SYNPR: variants seen among roughly 807,000 people sequenced by gnomAD.
SYNPR encodes synaptoporin.
A neutral mutation model predicts 32.9 loss-of-function variants in SYNPR; 23 were observed. The observed-to-expected ratio is 0.70, with a 90% CI of 0.50 to 0.99. The LOEUF (loss-of-function observed/expected upper bound fraction) is 0.99. Ranked by LOEUF, SYNPR falls within the 50% of genes least tolerant of loss-of-function variation. The pLI, the probability that SYNPR is intolerant of heterozygous loss-of-function variation, is 0.00. For missense variants in SYNPR, 318 were observed against 349.3 expected, an observed-to-expected ratio of 0.91 and a Z score of 0.71; for synonymous variants, 146 against 135.9, an observed-to-expected ratio of 1.07 and a Z score of -0.52.
intron 2 of SYNPR, among the ~76,000 whole-genome samples, chr3:63,310,741 C>A (rs538368254): frequency 4.7e-4 from 72 of 152,010 alleles, no homozygotes; most frequent in Admixed American, 9.8e-4. Flanking sequence ...CTGGCTGAGA[C>A]CTGGATATGA....
intron 3 of SYNPR, among the ~76,000 whole-genome samples, chr3:63,511,010 T>C (rs1413064385): frequency 2.6e-5 from 4 of 151,518 alleles, no homozygotes; most frequent in Non-Finnish European, 4.4e-5. Flanking sequence ...GGGATGCTTG[T>C]TGAAATGCAA....
At chr3:63,282,517 A>G (rs2086639585) in intron 2 of SYNPR, among the ~76,000 whole-genome samples, 1 of 152,096 alleles carries the variant, frequency 6.6e-6, no homozygotes, top group Non-Finnish European at 1.5e-5. Context: ...GATTGTAAAA[A>G]AGGAAAAGAA....
At chr3:63,596,733 C>T (rs1559547070) in intron 4 of SYNPR, among the ~76,000 whole-genome samples, 2 of 152,138 alleles carry the variant, frequency 1.3e-5, no homozygotes, top group Admixed American at 1.3e-4. Flanking sequence ...GATGGCTTAG[C>T]TTTGGACCAT....
At chr3:63,417,399 T>C (rs955990291) in intron 2 of SYNPR, among the ~76,000 whole-genome samples, 1 of 152,198 alleles carries the variant, frequency 6.6e-6, no homozygotes, top group African/African-American at 2.4e-5. Flanking sequence ...CATGGGCTGG[T>C]GATGAGTGTC....
intron 2 of SYNPR, among the ~76,000 whole-genome samples, chr3:63,367,382 T>G (rs909313239): frequency 2.8e-5 from 4 of 141,386 alleles, no homozygotes; most frequent in African/African-American, 1.1e-4. Context: ...TAATTTTAGA[T>G]AAGATCTGGC....
At chr3:63,242,043 T>G (rs1366735111) in intron 1 of SYNPR, among the ~76,000 whole-genome samples, 9 of 152,106 alleles carry the variant, frequency 5.9e-5, no homozygotes, top group Non-Finnish European at 1.3e-4. Flanking sequence ...GCATACTTTT[T>G]CTTTCAACAT....
At chr3:63,223,951 T>C (rs1368453188), upstream of SYNPR, among the ~76,000 whole-genome samples, 1 of 152,216 alleles carries the variant, frequency 6.6e-6, no homozygotes, top group African/African-American at 2.4e-5. Context: ...CCATGTATCT[T>C]CTTGTTGCAT....
the SYNPR span, among the ~76,000 whole-genome samples, chr3:63,205,577 C>T: frequency 6.6e-6 from 1 of 152,232 alleles, no homozygotes; most frequent in Non-Finnish European, 1.5e-5. Flanking sequence ...ATGAAATCAT[C>T]GTCACACTGC....
chr3:63,395,050 G>A (rs1996919), intron 2 of SYNPR, among the ~76,000 whole-genome samples: 27 of 151,976 alleles, frequency 1.8e-4, no homozygotes, highest in African/African-American at 5.8e-4. Context: ...GATATTAATA[G>A]GTTTAAAAGC....
intron 5 of SYNPR, among the ~76,000 whole-genome samples, chr3:63,611,205 C>A (rs1575736792): frequency 6.6e-6 from 1 of 152,176 alleles, no homozygotes; most frequent in Admixed American, 6.5e-5. Flanking sequence ...CCTGAAGAAA[C>A]AGGTTCTAGA....
chr3:63,321,360 A>G (rs1200640876), intron 2 of SYNPR, among the ~76,000 whole-genome samples: 1 of 152,028 alleles, frequency 6.6e-6, no homozygotes, highest in African/African-American at 2.4e-5. Flanking sequence ...AGTATGTTTT[A>G]TTCTCTCTCT....
chr3:63,346,229 T>C (rs1407364856), intron 2 of SYNPR, among the ~76,000 whole-genome samples: 3 of 152,182 alleles, frequency 2.0e-5, no homozygotes, highest in Non-Finnish European at 4.4e-5. Flanking sequence ...TGCAGAACTT[T>C]TCAGTCTTCC....
intron 2 of SYNPR, among the ~76,000 whole-genome samples, chr3:63,325,848 C>T (rs746408040): frequency 1.3e-5 from 2 of 152,058 alleles, no homozygotes; most frequent in African/African-American, 2.4e-5. Flanking sequence ...AACTAGCTTT[C>T]ACTTCCTGCT....
chr3:63,510,620 C>T (rs1334154682), intron 3 of SYNPR, among the ~76,000 whole-genome samples: 7 of 152,060 alleles, frequency 4.6e-5, no homozygotes, highest in African/African-American at 9.7e-5. Context: ...CTTACTTTCC[C>T]GGAGATTTGA....
intron 4 of SYNPR, among the ~76,000 whole-genome samples, chr3:63,604,307 A>T (rs2106896786): frequency 6.6e-6 from 1 of 152,060 alleles, no homozygotes; most frequent in Non-Finnish European, 1.5e-5. Context: ...TTTAAGATTC[A>T]TTGATCTTTT....
At chr3:63,314,294 G>C (rs991422148) in intron 2 of SYNPR, among the ~76,000 whole-genome samples, 3 of 151,206 alleles carry the variant, frequency 2.0e-5, no homozygotes, top group African/African-American at 7.3e-5. Flanking sequence ...AATCTCCACA[G>C]TGTTTTCTAC....
intron 3 of SYNPR, among the ~76,000 whole-genome samples, chr3:63,517,198 A>T (rs908447327): frequency 1.3e-5 from 2 of 152,134 alleles, no homozygotes; most frequent in African/African-American, 4.8e-5. Context: ...CAAGGACAAC[A>T]TAGCATAGGG....
intron 3 of SYNPR, among the ~76,000 whole-genome samples, chr3:63,269,851 A>G (rs975989103): frequency 3.9e-5 from 6 of 152,164 alleles, no homozygotes; most frequent in Non-Finnish European, 5.9e-5. Context: ...CATATTTTCT[A>G]CCTTCAAGGA....
chr3:63,604,861 T>C (rs9871003), intron 4 of SYNPR, among the ~76,000 whole-genome samples: 94,653 of 152,072 alleles, frequency 0.62, 29,656 homozygotes, highest in African/African-American at 0.68. Context: ...GTGCCTTGAT[T>C]ATTTGCTCTA....
Sources: gnomAD v4.1 joint callset for allele counts (sites outside exome capture counted in the v4.1 genomes callset) on GRCh38, gnomAD v4.1.1 for gene constraint, MANE v1.5 for transcripts, NCBI Gene and HGNC (gene_info 2026-07-23, HGNC 2026-07-21) for gene names.